The following USP36 variants were observed in gnomAD, a reference collection of about 807,000 sequenced individuals.
USP36 encodes ubiquitin specific peptidase 36.
USP36 carries 59 observed loss-of-function variants against 111.5 expected under a neutral mutation model. The observed-to-expected ratio is 0.53, with a 90% CI of 0.43 to 0.66. The LOEUF is 0.66. USP36 is among the 30% of genes least tolerant of loss of function. USP36 has a pLI of 0.00. For missense variants in USP36, 1,488 were observed against 1,468.0 expected (o/e 1.01, Z -0.22); for synonymous variants, 628 against 581.0 (o/e 1.08, Z -1.16).
intron 8 of USP36, among the ~76,000 whole-genome samples, chr17:78,820,647 C>T (rs183744355): frequency 6.0e-4 from 92 of 152,318 alleles, no homozygotes; most frequent in Admixed American, 1.2e-3. Flanking sequence ...GCCAAGGCTG[C>T]TCTCCCAGGT....
rs774662842 is a variant in USP36, at chr17:78,828,925, C to T, written c.558G>A (p.Lys186=). Reference sequence around the variant, plus strand: ...TCAGGTCTCGGATGAAGGAGACGGGCTTGATGGCGTTGCCGCTGTTGGCGA... The same window carrying T: ...TCAGGTCTCGGATGAAGGAGACGGGTTTGATGGCGTTGCCGCTGTTGGCGA... ...QAFANSGNAI[K]PVSFIRDLKK... is the part of the protein sequence containing the mutation. The change falls in exon 5 of 21, where the codon AAG becomes AAA. Residue 186 remains lysine (K), a synonymous_variant. Transcript: ENST00000449938. 1.4e-5 allele frequency: 22 copies of T among 1,614,056 alleles called. No individual in the cohort carries two copies. Among genetic ancestry groups the T allele is most frequent in the Non-Finnish European group, 1.9e-5 (22 of 1,180,050 alleles).
At chr17:78,810,011 T>C (rs1258762799) in intron 13 of USP36, among the ~76,000 whole-genome samples, 1 of 152,130 alleles carries the variant, frequency 6.6e-6, no homozygotes, top group East Asian at 1.9e-4. Context: ...CATGCCCAGC[T>C]AACTTTTGTA....
chr17:78,822,601 C>G (rs1052950244), intron 6 of USP36, among the ~76,000 whole-genome samples: 2 of 152,246 alleles, frequency 1.3e-5, no homozygotes, highest in Non-Finnish European at 2.9e-5. Flanking sequence ...CCCCGCACCG[C>G]TCACTAACTG....
In USP36 at chr17:78,807,402, T is replaced by C; in HGVS notation, c.1642A>G (p.Arg548Gly). 6.2e-7 allele frequency: 1 copy of C among 1,614,182 alleles called. No homozygotes were observed. Among genetic ancestry groups the C allele is most frequent in the Non-Finnish European group, 8.5e-7 (1 of 1,180,020 alleles). The change falls in exon 14 of 21, where the codon AGA (arginine) becomes GGA (glycine). Residue 548 changes from arginine to glycine, a missense_variant. Transcript: ENST00000449938. ...GTCCCAGGCAGCCCCTGAGCAGTTC[T>C]GGGGGAAAAGTGCTGTGGAGGAGCT... ...KPAPPQHFSP[R>G]TAQGLPGTSN...
intron 13 of USP36, among the ~76,000 whole-genome samples, chr17:78,809,689 T>A (rs774745390): frequency 6.6e-6 from 1 of 152,092 alleles, no homozygotes; most frequent in Non-Finnish European, 1.5e-5. Context: ...TGGAGCGCAG[T>A]GGCACAATGA....
chr17:78,821,327 G>T, intron 7 of USP36: 1 of 324,440 alleles, frequency 3.1e-6, no homozygotes, highest in South Asian at 3.1e-5. Flanking sequence ...CTCCTGCTGA[G>T]GGAGAGCAGA....
chr17:78,820,099 C>T, intron 8 of USP36, 87 bp from the exon 9 acceptor site: 2 of 1,401,482 alleles, frequency 1.4e-6, no homozygotes, highest in South Asian at 1.2e-5. Context: ...CTTTTTTAGG[C>T]TGAGGCAGCA....
intron 13 of USP36, among the ~76,000 whole-genome samples, chr17:78,810,632 A>G (rs1041778750): frequency 6.6e-6 from 1 of 152,144 alleles, no homozygotes; most frequent in Non-Finnish European, 1.5e-5. Flanking sequence ...CAACTTTGCA[A>G]TTATATCATG....
chr17:78,821,413 TATATA>T (rs1257842926), intron 7 of USP36: 62 of 57,768 alleles, frequency 1.1e-3, no homozygotes, highest in African/African-American at 4.1e-3. Flanking sequence ...TATATATATA[TATATA>T]TATTTTTTTT....
At position 78,835,455 on chromosome 17, in the gene USP36, C is replaced by G. The variant is rs372356830; in HGVS notation, c.300G>C (p.Pro100=). 3.1e-6 allele frequency: 5 copies of G among 1,613,054 alleles called. No homozygotes were observed. Among genetic ancestry groups the G allele is most frequent in the Non-Finnish European group, 3.4e-6 (4 of 1,179,488 alleles). ...YESCGDGVPA[P]QKVLFPTERL... ...GCTCCGTGGGGAAAAGCACTTTCTG[C>G]GGGGCTGGGACTCCGTCACCACAGC... is the stretch of plus-strand genomic sequence containing the variant. Residue 100 remains proline (P), a synonymous_variant, in exon 4 of 21, where the codon CCG becomes CCC. Coordinates refer to ENST00000449938, the MANE Select transcript of USP36 (RefSeq NM_001385174.1).
At chr17:78,789,271 G>A (rs546953917) in intron 3 of USP36, among the ~76,000 whole-genome samples, 1 of 151,250 alleles carries the variant, frequency 6.6e-6, no homozygotes, top group South Asian at 2.1e-4. Flanking sequence ...CAATCACTGT[G>A]TGAGTGATTT....
At chr17:78,813,295 T>C (rs2094111867) in intron 12 of USP36, among the ~76,000 whole-genome samples, 1 of 152,018 alleles carries the variant, frequency 6.6e-6, no homozygotes, top group African/African-American at 2.4e-5. Flanking sequence ...AGCCACACTC[T>C]GCAGAGACGT....
At chr17:78,814,875 C>T (rs1459839436) in intron 10 of USP36, among the ~76,000 whole-genome samples, 7 of 152,146 alleles carry the variant, frequency 4.6e-5, no homozygotes, top group South Asian at 2.1e-4. Flanking sequence ...CACTTGAACC[C>T]GCGAGGCAGA....
chr17:78,834,483 C>T (rs1278600291), intron 4 of USP36, among the ~76,000 whole-genome samples: 1 of 152,056 alleles, frequency 6.6e-6, no homozygotes, highest in Non-Finnish European at 1.5e-5. Context: ...TGCTCTGTCA[C>T]CCAGGCTGGA....
intron 17 of USP36, among the ~76,000 whole-genome samples, chr17:78,800,187 G>C (rs1449945035): frequency 6.6e-6 from 1 of 150,832 alleles, no homozygotes; most frequent in Non-Finnish European, 1.5e-5. Context: ...TAAGTCCTCA[G>C]TCTGACAGAA....
At chr17:78,820,044 A>G (rs1328686181) in intron 8 of USP36, 32 bp from the exon 9 acceptor site, 1 of 1,607,050 alleles carries the variant, frequency 6.2e-7, no homozygotes, top group African/African-American at 1.3e-5. Context: ...AGTAAAATAC[A>G]CAGCAGAGGA....
At chr17:78,817,419 C>T (rs182847541) in intron 10 of USP36, among the ~76,000 whole-genome samples, 1 of 152,202 alleles carries the variant, frequency 6.6e-6, no homozygotes, top group Non-Finnish European at 1.5e-5. Flanking sequence ...CATTCCAAAC[C>T]ACATAACCAG....
In USP36 at chr17:78,835,291, T is replaced by C. The variant is rs1038598340; in HGVS notation, c.464A>G (p.His155Arg). The change falls in exon 4 of 21, where the codon CAT becomes CGT. Residue 155 changes from histidine (H) to arginine (R), a missense_variant. By Grantham distance (29) the His-to-Arg change is conservative. Coordinates refer to ENST00000449938, the MANE Select transcript of USP36 (RefSeq NM_001385174.1). ...PLANYLLSKE[H>R]ARSCHQGSFC... is the part of the protein sequence containing the mutation. ...AAACCCACACTCACAGCTGCGAGCA[T>C]GCTCCTTGGAGAGCAGGTAGTTGGC... is the stretch of plus-strand genomic sequence containing the variant. The C allele has an allele frequency of 6.2e-7, 1 of 1,614,018 alleles. No homozygotes were observed. The highest frequency in any genetic ancestry group is 2.2e-5 in the East Asian group (1 of 44,896).
chr17:78,834,473 TGCTCTGTC>T (rs2068458353), intron 4 of USP36, among the ~76,000 whole-genome samples: 1 of 152,126 alleles, frequency 6.6e-6, no homozygotes, highest in Non-Finnish European at 1.5e-5. Context: ...GATGGAGTCT[TGCTCTGTC>T]ACCCAGGCTG....
Sources: gnomAD v4.1 joint callset for allele counts (sites outside exome capture counted in the v4.1 genomes callset) on GRCh38, gnomAD v4.1.1 for gene constraint, MANE v1.5 for transcripts, NCBI Gene and HGNC (gene_info 2026-07-23, HGNC 2026-07-21) for gene names.